The following CTNNA2 variants were observed in gnomAD, a reference collection of about 807,000 sequenced individuals.
CTNNA2 encodes the protein catenin alpha-2.
Under a neutral mutation model 101.0 loss-of-function variants are expected in CTNNA2, and 42 were observed. The ratio of observed to expected loss-of-function variants is 0.42; its 90% CI spans 0.32 to 0.54. The LOEUF (loss-of-function observed/expected upper bound fraction) is 0.54. Ranked by LOEUF, CTNNA2 falls within the 20% of genes least tolerant of loss-of-function variation. The probability of loss-of-function intolerance (pLI) is 0.14; values close to 1 mark genes in which losing one functional copy is unlikely to be tolerated. For missense variants in CTNNA2, 871 were observed against 1,223.1 expected, an observed-to-expected ratio of 0.71 and a Z score of 4.29; for synonymous variants, 450 against 456.4, an observed-to-expected ratio of 0.99 and a Z score of 0.18.
At chr2:80,190,605 G>C (rs1369660002) in intron 7 of CTNNA2, among the ~76,000 whole-genome samples, 2 of 152,084 alleles carry the variant, frequency 1.3e-5, no homozygotes, top group Non-Finnish European at 2.9e-5. Flanking sequence ...AGGTGCATCT[G>C]CCATACAGGG....
At chr2:79,341,734 G>A (rs1677142863) in intron 3 of CTNNA2, among the ~76,000 whole-genome samples, 2 of 152,108 alleles carry the variant, frequency 1.3e-5, no homozygotes, top group Non-Finnish European at 2.9e-5. Context: ...TTTGTTCTCT[G>A]CACTCAGGGT....
At chr2:80,264,760 A>C in intron 7 of CTNNA2, among the ~76,000 whole-genome samples, 1 of 152,178 alleles carries the variant, frequency 6.6e-6, no homozygotes, top group East Asian at 1.9e-4. Flanking sequence ...GAAAGGATCG[A>C]GGTGGTGATA....
At position 79,938,895 on chromosome 2, in the gene CTNNA2, C is replaced by T. The variant is rs4852545; in HGVS notation, c.1056+29098C>T. The stretch of plus-strand genomic sequence containing the variant: ...TAAGGTAGAATTGGTCAAAAACATA[C>T]TAATGTAATAAAACCTTTGGTTCTC... On this transcript the variant is annotated intron_variant, in intron 7 of 18. Transcript: ENST00000402739. Among the ~76,000 whole-genome samples, 329 of 152,232 alleles carry T rather than the reference C, an allele frequency of 2.2e-3. 2 individuals carry two copies. The highest frequency in any genetic ancestry group is 0.016 in the Admixed American group (251 of 15,290).
intron 9 of CTNNA2, among the ~76,000 whole-genome samples, chr2:80,543,270 A>C (rs1691738202): frequency 3.3e-5 from 5 of 152,336 alleles, no homozygotes; most frequent in African/African-American, 1.2e-4. Context: ...AAAGAAATTG[A>C]AGTTAAGAGA....
At chr2:80,462,613 T>C (rs902538770) in intron 9 of CTNNA2, among the ~76,000 whole-genome samples, 3 of 140,282 alleles carry the variant, frequency 2.1e-5, no homozygotes, top group Non-Finnish European at 4.5e-5. Context: ...CTCCCTTCCT[T>C]TCCTTCTTTC....
chr2:80,289,593 T>C (rs183498344), intron 7 of CTNNA2, among the ~76,000 whole-genome samples: 1 of 152,304 alleles, frequency 6.6e-6, no homozygotes, highest in East Asian at 1.9e-4. Flanking sequence ...GTGGGACTAA[T>C]GCTGATTGAG....
chr2:79,520,821 A>G (rs2103871516), intron 1 of CTNNA2, among the ~76,000 whole-genome samples: 1 of 152,222 alleles, frequency 6.6e-6, no homozygotes, highest in South Asian at 2.1e-4. Flanking sequence ...AAAGACTGGC[A>G]ATACCAAGTT....
Position 79,781,019 on chromosome 2 carries a change from G to A in CTNNA2, c.298+36437G>A, listed in dbSNP as rs1322351806. On this transcript the variant is annotated intron_variant, in intron 3 of 18. Coordinates refer to ENST00000402739, the MANE Select transcript of CTNNA2 (RefSeq NM_001282597.3). ...GGATCTCATGCAAGAAAGAATTCAG[G>A]TCAAGTCCATAGAGTAAAGTGAAAG... Among the ~76,000 whole-genome samples, 3 of 152,180 alleles carry A rather than the reference G, an allele frequency of 2.0e-5. No individual in the cohort carries two copies. In the East Asian group the frequency reaches 5.8e-4, roughly 29 times the overall value.
At chr2:80,633,436 A>G (rs72926528) in intron 18 of CTNNA2, among the ~76,000 whole-genome samples, 2,553 of 152,274 alleles carry the variant, frequency 0.017, 79 homozygotes, top group African/African-American at 0.058. Context: ...AGTTTGTACA[A>G]CTTTTCTCCC....
intron 9 of CTNNA2, among the ~76,000 whole-genome samples, chr2:80,497,552 C>T (rs959124997): frequency 5.9e-5 from 9 of 152,258 alleles, no homozygotes; most frequent in Admixed American, 2.0e-4. Flanking sequence ...GATGGTAAGC[C>T]GACTTCTCAG....
At chr2:79,649,975 T>C (rs1681102532) in intron 1 of CTNNA2, among the ~76,000 whole-genome samples, 1 of 152,086 alleles carries the variant, frequency 6.6e-6, no homozygotes, top group Non-Finnish European at 1.5e-5. Flanking sequence ...CATTGATTTA[T>C]AAGGTTGGAA....
chr2:79,745,514 C>T (rs1053821057), intron 3 of CTNNA2, among the ~76,000 whole-genome samples: 3 of 152,014 alleles, frequency 2.0e-5, no homozygotes, highest in African/African-American at 4.8e-5. Flanking sequence ...ATATTCATAT[C>T]GTTGAGCAAG....
At chr2:80,378,079 G>C (rs1472026796) in intron 7 of CTNNA2, among the ~76,000 whole-genome samples, 2 of 152,086 alleles carry the variant, frequency 1.3e-5, no homozygotes, top group Non-Finnish European at 2.9e-5. Flanking sequence ...AAGGGGGCCA[G>C]GCGCAGGTGG....
chr2:79,618,459 A>AT (rs945680299), intron 1 of CTNNA2, among the ~76,000 whole-genome samples: 15 of 151,680 alleles, frequency 9.9e-5, no homozygotes, highest in African/African-American at 3.1e-4. Context: ...ATTAGAATTT[A>AT]TTTTTTTTAA....
At chr2:80,552,516 T>C (rs538691195) in intron 11 of CTNNA2, among the ~76,000 whole-genome samples, 119 of 152,326 alleles carry the variant, frequency 7.8e-4, no homozygotes, top group African/African-American at 2.8e-3. Context: ...AAAAGGGACC[T>C]GAATTGGAGA....
chr2:80,452,606 G>T (rs868337853), intron 9 of CTNNA2, among the ~76,000 whole-genome samples: 2 of 151,582 alleles, frequency 1.3e-5, no homozygotes, highest in Non-Finnish European at 2.9e-5. Flanking sequence ...ATGCTGGCTG[G>T]CATCCTCACA....
intron 9 of CTNNA2, among the ~76,000 whole-genome samples, chr2:80,496,969 A>T (rs1573040644): frequency 1.3e-5 from 2 of 152,188 alleles, no homozygotes; most frequent in African/African-American, 4.8e-5. Flanking sequence ...TTAAAGCAAT[A>T]TGTGACTCAG....
rs373917489 is a variant in CTNNA2 at position 80,011,749 on chromosome 2, C to T, written c.1056+101952C>T. Among the ~76,000 whole-genome samples, 10 of 152,218 alleles carry T rather than the reference C, an allele frequency of 6.6e-5. No homozygotes were observed. The East Asian group carries it at 1.9e-3, about 29-fold the overall frequency. On this transcript the variant is annotated intron_variant, in intron 7 of 18. Coordinates refer to ENST00000402739, the MANE Select transcript of CTNNA2 (RefSeq NM_001282597.3). The stretch of plus-strand genomic sequence containing the variant: ...TGTTAAGAGTTCTTTCTCTGTTTTT[C>T]CCATATATGCTTTCAACAAATATGG...
intron 3 of CTNNA2, among the ~76,000 whole-genome samples, chr2:79,345,407 T>C (rs919987522): frequency 3.9e-5 from 6 of 152,192 alleles, no homozygotes; most frequent in African/African-American, 1.2e-4. Flanking sequence ...TTCCATTTCA[T>C]AATGTATAAA....
Sources: gnomAD v4.1 joint callset for allele counts (sites outside exome capture counted in the v4.1 genomes callset) on GRCh38, gnomAD v4.1.1 for gene constraint, MANE v1.5 for transcripts, NCBI Gene and HGNC (gene_info 2026-07-23, HGNC 2026-07-21) for gene names.